Variants in CNTN3 observed in about 807,000 individuals in gnomAD.
CNTN3 encodes the protein contactin-3.
A neutral mutation model predicts 119.1 loss-of-function variants in CNTN3; 60 were observed. The ratio of observed to expected loss-of-function variants is 0.50; its 90% CI spans 0.41 to 0.62. CNTN3 has a LOEUF of 0.62. Among genes scored for constraint, CNTN3 ranks in the 20% least tolerant of loss-of-function variants. CNTN3 has a pLI of 0.00. For synonymous variants in CNTN3, 450 were observed against 438.7 expected (o/e 1.03, Z -0.32); for missense variants, 1,101 against 1,242.4 (o/e 0.89, Z 1.71).
intron 13 of CNTN3, among the ~76,000 whole-genome samples, chr3:74,329,082 T>C (rs1271698309): frequency 6.6e-6 from 1 of 152,204 alleles, no homozygotes; most frequent in East Asian, 1.9e-4. Flanking sequence ...AAAATTTTAG[T>C]CTTCACACAC....
rs1235814849 is a variant in CNTN3, at chr3:74,307,286, T to C, written c.1669-4479A>G. Among the ~76,000 whole-genome samples, 4 of 152,222 alleles carry C rather than the reference T, an allele frequency of 2.6e-5. No individual in the cohort carries two copies. In the East Asian group the frequency reaches 7.7e-4, roughly 29 times the overall value. ...CTTCAAGTTCATATTTACATCTTAATGACAGTAATATTTTTTCTTTTTTGT... is the reference window on the plus strand; with the variant it reads ...CTTCAAGTTCATATTTACATCTTAACGACAGTAATATTTTTTCTTTTTTGT... On this transcript the variant is annotated intron_variant, in intron 13 of 22. Coordinates refer to ENST00000263665, the MANE Select transcript of CNTN3 (RefSeq NM_020872.3).
At chr3:74,485,032 C>G (rs549661641) in intron 4 of CNTN3, among the ~76,000 whole-genome samples, 1 of 152,068 alleles carries the variant, frequency 6.6e-6, no homozygotes, top group Non-Finnish European at 1.5e-5. Flanking sequence ...CCAGGTAAAA[C>G]ATGGATACAT....
At chr3:74,531,573 T>C (rs902489964) in intron 1 of CNTN3, among the ~76,000 whole-genome samples, 1 of 151,936 alleles carries the variant, frequency 6.6e-6, no homozygotes, top group African/African-American at 2.4e-5. Flanking sequence ...AGATAGGTGA[T>C]TCATGAGAGT....
At chr3:74,546,402 T>C (rs1703916168) in intron 1 of CNTN3, among the ~76,000 whole-genome samples, 1 of 152,176 alleles carries the variant, frequency 6.6e-6, no homozygotes, top group African/African-American at 2.4e-5. Context: ...TGTGAGGGTG[T>C]TGCCAAAGGA....
chr3:74,278,077 C>A (rs1469819111), intron 20 of CNTN3, among the ~76,000 whole-genome samples: 2 of 150,080 alleles, frequency 1.3e-5, no homozygotes, highest in African/African-American at 4.9e-5. Context: ...AAGACCTCTA[C>A]AAGGAAAACT....
intron 4 of CNTN3, among the ~76,000 whole-genome samples, chr3:74,454,473 A>T (rs1702224425): frequency 6.6e-6 from 1 of 151,908 alleles, no homozygotes; most frequent in African/African-American, 2.4e-5. Context: ...CCAATTTGCC[A>T]GTCTGTGTCT....
intron 4 of CNTN3, among the ~76,000 whole-genome samples, chr3:74,480,064 A>G (rs1441630098): frequency 6.6e-6 from 1 of 152,150 alleles, no homozygotes; most frequent in Non-Finnish European, 1.5e-5. Context: ...ATAGTGATGT[A>G]AACACTGAAT....
At chr3:74,431,155 T>A (rs763296295) in intron 4 of CNTN3, among the ~76,000 whole-genome samples, 1 of 152,190 alleles carries the variant, frequency 6.6e-6, no homozygotes, top group Non-Finnish European at 1.5e-5. Context: ...AGGTTTTCTA[T>A]TGCCTATCCA....
chr3:74,449,121 C>G (rs547874361), intron 4 of CNTN3, among the ~76,000 whole-genome samples: 52 of 151,810 alleles, frequency 3.4e-4, no homozygotes, highest in Admixed American at 6.6e-4. Flanking sequence ...TTTACAGAAG[C>G]CCTTGAGTAT....
intron 1 of CNTN3, among the ~76,000 whole-genome samples, chr3:74,542,228 A>T (rs1301578593): frequency 3.3e-5 from 5 of 152,060 alleles, no homozygotes; most frequent in Admixed American, 6.6e-5. Context: ...AAATAAAATA[A>T]TTTTTTAAAT....
At chr3:74,528,538 A>G (rs1703652181) in intron 1 of CNTN3, among the ~76,000 whole-genome samples, 1 of 151,812 alleles carries the variant, frequency 6.6e-6, no homozygotes, top group Non-Finnish European at 1.5e-5. Flanking sequence ...AATCCTCACA[A>G]CCACTCATGG....
intron 20 of CNTN3, among the ~76,000 whole-genome samples, chr3:74,271,195 C>T (rs1317406794): frequency 1.3e-5 from 2 of 152,076 alleles, no homozygotes; most frequent in African/African-American, 4.8e-5. Flanking sequence ...CATGTCTATC[C>T]ACAGGAAAAT....
chr3:74,605,198 A>G (rs758009369), intron 1 of CNTN3, among the ~76,000 whole-genome samples: 1 of 152,122 alleles, frequency 6.6e-6, no homozygotes, highest in Non-Finnish European at 1.5e-5. Context: ...TTGGACAAGA[A>G]GAATAAGTTC....
chr3:74,587,556 T>C (rs867745605), intron 1 of CNTN3, among the ~76,000 whole-genome samples: 6 of 152,078 alleles, frequency 3.9e-5, no homozygotes, highest in African/African-American at 1.2e-4. Flanking sequence ...AAATAAGCTC[T>C]AGATGCATTA....
rs531293632 is a variant in CNTN3, at chr3:74,264,180, T to C, written c.*221A>G. ...ACATTTATATCAAAAGTCTGAAGTATGTAATATGTAAATTCCTTTGGTTTA... is the reference window on the plus strand; with the variant it reads ...ACATTTATATCAAAAGTCTGAAGTACGTAATATGTAAATTCCTTTGGTTTA... On this transcript the variant is annotated 3_prime_UTR_variant, in exon 23 of 23. Coordinates refer to ENST00000263665, the MANE Select transcript of CNTN3 (RefSeq NM_020872.3). 975 of 356,138 alleles carry C rather than the reference T, an allele frequency of 2.7e-3. 4 individuals carry two copies. Among genetic ancestry groups the C allele is most frequent in the Non-Finnish European group, 4.0e-3 (801 of 199,320 alleles). The allele number at this position is 356,138 out of a possible 1,614,324, so 22.1% of individuals were successfully genotyped here.
chr3:74,520,946 T>A lies in CNTN3; in HGVS notation c.55+112A>T, dbSNP rs1021162400. 6 of 522,538 alleles carry A rather than the reference T, an allele frequency of 1.1e-5. No homozygotes were observed. The African/African-American group carries it at 1.2e-4, about 10-fold the overall frequency. 32.4% of individuals were successfully genotyped at this position (522,538 alleles called of 1,614,324 possible). On this transcript the variant is annotated intron_variant, in intron 2 of 22. Coordinates refer to ENST00000263665, the MANE Select transcript of CNTN3 (RefSeq NM_020872.3). ...ATTTTCCTTTTGGGAGGAAAAACAT[T>A]TGTTTTTCTTTGCTACTGGTGGAGT...
intron 3 of CNTN3, among the ~76,000 whole-genome samples, chr3:74,495,265 T>C (rs574192954): frequency 9.4e-4 from 143 of 152,196 alleles, no homozygotes; most frequent in Admixed American, 1.5e-3. Flanking sequence ...ATAACTCGTC[T>C]TGACACATAA....
intron 13 of CNTN3, among the ~76,000 whole-genome samples, chr3:74,320,352 A>T (rs563078462): frequency 6.6e-6 from 1 of 152,004 alleles, no homozygotes; most frequent in Non-Finnish European, 1.5e-5. Context: ...AAAATGAAGA[A>T]CTCATGTCCT....
intron 11 of CNTN3, among the ~76,000 whole-genome samples, chr3:74,358,493 C>T (rs966542891): frequency 4.0e-5 from 6 of 150,192 alleles, no homozygotes; most frequent in Admixed American, 2.0e-4. Context: ...TTAAATGTGG[C>T]CAGGGAATGA....
Sources: allele counts gnomAD v4.1 joint callset (sites outside exome capture counted in the v4.1 genomes callset), GRCh38; gene constraint gnomAD v4.1.1; transcripts MANE v1.5; gene names NCBI Gene and HGNC (gene_info 2026-07-23, HGNC 2026-07-21).